PTPRU: variants seen among roughly 807,000 people sequenced by gnomAD.
The protein encoded by PTPRU is receptor-type tyrosine-protein phosphatase U.
A neutral mutation model predicts 166.3 loss-of-function variants in PTPRU; 69 were observed. The observed-to-expected ratio is 0.41, with a 90% confidence interval of 0.34 to 0.51. The LOEUF is 0.51. Among genes scored for constraint, PTPRU ranks in the 20% least tolerant of loss-of-function variants. The probability of loss-of-function intolerance (pLI) is 0.09; values close to 1 mark genes in which losing one functional copy is unlikely to be tolerated. For missense variants in PTPRU, 1,657 were observed against 2,013.7 expected, an observed-to-expected ratio of 0.82 and a Z score of 3.39; for synonymous variants, 793 against 814.0, an observed-to-expected ratio of 0.97 and a Z score of 0.44.
chr1:29,259,600 T>TTTTGGGGGGGGGGGGGGGGGGG, intron 5 of PTPRU, 36 bp downstream of exon 5: 2 of 253,662 alleles, frequency 7.9e-6, no homozygotes, highest in Non-Finnish European at 1.5e-5. Flanking sequence ...GGGGGCGGGG[T>TTTTGGGGGGGGGGGGGGGGGGG]GGGAGGGGGT....
chr1:29,295,349 C>A (rs941604384), intron 15 of PTPRU, among the ~76,000 whole-genome samples: 5 of 152,026 alleles, frequency 3.3e-5, no homozygotes, highest in Non-Finnish European at 7.4e-5. Context: ...TCGGCTAATT[C>A]TCTTTGTTAT....
intron 22 of PTPRU, among the ~76,000 whole-genome samples, chr1:29,314,484 C>T (rs1448731341): frequency 2.0e-5 from 3 of 152,078 alleles, no homozygotes; most frequent in Admixed American, 6.6e-5. Context: ...CACAACCTTG[C>T]GTGAGGACAA....
intron 15 of PTPRU, among the ~76,000 whole-genome samples, chr1:29,295,608 C>T (rs962962945): frequency 6.6e-6 from 1 of 152,056 alleles, no homozygotes; most frequent in African/African-American, 2.4e-5. Flanking sequence ...GCAAATGGTA[C>T]ACTTTTCAAA....
At chr1:29,266,361 T>G (rs1406183216) in intron 7 of PTPRU, among the ~76,000 whole-genome samples, 1 of 152,174 alleles carries the variant, frequency 6.6e-6, no homozygotes, top group Non-Finnish European at 1.5e-5. Context: ...TGATCTATTT[T>G]GGGTAAAGTG....
intron 14 of PTPRU, among the ~76,000 whole-genome samples, chr1:29,286,412 T>G (rs1686351449): frequency 6.6e-6 from 1 of 151,934 alleles, no homozygotes. Context: ...ACTGACTCCC[T>G]TTTTTTTGGA....
chr1:29,292,321 C>T (rs2151958141), intron 15 of PTPRU, among the ~76,000 whole-genome samples: 1 of 152,280 alleles, frequency 6.6e-6, no homozygotes, highest in South Asian at 2.1e-4. Context: ...GGCCTCACCC[C>T]TTATTGAGCA....
chr1:29,252,634 A>G, intron 1 of PTPRU, among the ~76,000 whole-genome samples: 1 of 152,286 alleles, frequency 6.6e-6, no homozygotes, highest in East Asian at 1.9e-4. Flanking sequence ...GCAGCTGCAG[A>G]TGAAACAGTA....
In PTPRU at chr1:29,304,075, C is replaced by T. The variant is rs370874944; in HGVS notation, c.2667+30C>T. ...ACGCCGGCCCCGGGCCAGCAGGATC[C>T]CTGCAGAGGCCTCACCTGGCTCTTA... On this transcript the variant is annotated intron_variant, in intron 16 of 29. Transcript: ENST00000373779. 13 of 1,584,060 alleles carry T rather than the reference C, an allele frequency of 8.2e-6. No homozygotes were observed. The African/African-American group carries it at 9.4e-5, about 11-fold the overall frequency.
chr1:29,310,658 G>A lies in PTPRU; in HGVS notation c.2821-86G>A, dbSNP rs1458742159. 6 of 1,421,686 alleles carry A rather than the reference G, an allele frequency of 4.2e-6. No individual in the cohort carries two copies. In the African/African-American group the frequency reaches 5.6e-5, roughly 13 times the overall value. The allele number at this position is 1,421,686 out of a possible 1,614,324, so 88.1% of individuals were successfully genotyped here. A position where few individuals can be genotyped will look rare whatever the true frequency, so the allele number is the denominator to read the frequency against. On this transcript the variant is annotated intron_variant, in intron 18 of 29. Transcript: ENST00000373779. ...AGTTCCCTGGTGGGGTAGGGGTTCT[G>A]CTGCTGGGAGGGGAGGGTAGAGGAG...
Position 29,259,435 on chromosome 1 carries a change from C to A in PTPRU, c.560-14C>A. The A allele has an allele frequency of 6.2e-7, 1 of 1,610,072 alleles. No individual in the cohort carries two copies. The highest frequency in any genetic ancestry group is 1.1e-5 in the South Asian group (1 of 90,740). ...GGTGCAGGCCCAGCTCACGATGCAG[C>A]TCTAACCCCGCAGCAAAGGCCCCAC... is the stretch of plus-strand genomic sequence containing the variant. On this transcript the variant is annotated splice_polypyrimidine_tract_variant and intron_variant, in intron 4 of 29. Transcript: ENST00000373779.
intron 14 of PTPRU, among the ~76,000 whole-genome samples, chr1:29,287,159 A>G (rs1054067031): frequency 2.0e-5 from 3 of 152,022 alleles, no homozygotes; most frequent in Admixed American, 6.5e-5. Context: ...GGCCAGCTGG[A>G]AGAAGATTTC....
In PTPRU at chr1:29,258,761, G is replaced by A; in HGVS notation, c.462G>A (p.Trp154Ter). 9 of 1,582,092 alleles carry A rather than the reference G, an allele frequency of 5.7e-6. No homozygotes were observed. Among genetic ancestry groups the A allele is most frequent in the Non-Finnish European group, 7.7e-6 (9 of 1,163,014 alleles). The change falls in exon 3 of 30, where the codon TGG becomes TGA. Residue 154 changes from tryptophan to a stop codon, truncating the protein, a stop_gained. Transcript: ENST00000373779. LOFTEE classifies it high-confidence loss of function. Reference sequence around the variant, plus strand: ...CTGAGCTGGCTGTCAGCACTTTCTGGCCCAATGAATATCAGGTGGGCTGGG... The same window carrying A: ...CTGAGCTGGCTGTCAGCACTTTCTGACCCAATGAATATCAGGTGGGCTGGG... ...HQAELAVSTFWPNEYQVLFEA... is the reference protein window; with the variant it reads ...HQAELAVSTF
chr1:29,253,694 CTCT>C lies in PTPRU; in HGVS notation c.74-1573_74-1571del, dbSNP rs199694766. ...ATATCACAACTATCTATACCTCTCC[CTCT>C]TCTTCTTGAGATTGGGAAGCAGCTC... On this transcript the variant is annotated intron_variant, in intron 1 of 29. Coordinates refer to ENST00000373779, the MANE Select transcript of PTPRU (RefSeq NM_133178.4). Among the ~76,000 whole-genome samples the C allele has an allele frequency of 3.1e-4, 47 of 151,970 alleles. 1 individual carries two copies. The East Asian group carries it at 6.0e-3, about 20-fold the overall frequency.
chr1:29,289,546 G>C, intron 14 of PTPRU: 1 of 988,966 alleles, frequency 1.0e-6, no homozygotes, highest in Non-Finnish European at 1.5e-6. Context: ...CTCCTGACCT[G>C]TTCAGTCCCT....
At chr1:29,287,166 T>C (rs1686393130) in intron 14 of PTPRU, among the ~76,000 whole-genome samples, 1 of 152,082 alleles carries the variant, frequency 6.6e-6, no homozygotes, top group African/African-American at 2.4e-5. Context: ...TGGAAGAAGA[T>C]TTCAGATTCT....
chr1:29,275,435 C>A lies in PTPRU; in HGVS notation c.1145-13C>A. On this transcript the variant is annotated splice_polypyrimidine_tract_variant and intron_variant, in intron 7 of 29. Transcript: ENST00000373779. ...TCTTCTAACTTCTTCTCTCTGCTTC[C>A]TGCATTCTCCAGAGCCCATGAGGGC... 1 of 1,599,084 alleles carries A rather than the reference C, an allele frequency of 6.3e-7. No homozygotes were observed. The highest frequency in any genetic ancestry group is 8.6e-7 in the Non-Finnish European group (1 of 1,167,828).
chr1:29,279,708 C>T lies in PTPRU; in HGVS notation c.1765+51C>T. ...CCTCTTCGGAGGTGGCCCAGAATCC[C>T]AGGGTTCCATGGGCAGAAGGGAAAT... On this transcript the variant is annotated intron_variant, in intron 10 of 29. Transcript: ENST00000373779. This position sits in a 1 kb window ranked among gnomAD's most constrained non-coding sequence, Gnocchi z 5.2. 1.3e-6 allele frequency: 2 copies of T among 1,581,842 alleles called. No homozygotes were observed. The highest frequency in any genetic ancestry group is 1.7e-6 in the Non-Finnish European group (2 of 1,159,490).
At chr1:29,297,366 G>C (rs1250366102) in intron 15 of PTPRU, among the ~76,000 whole-genome samples, 2 of 152,100 alleles carry the variant, frequency 1.3e-5, no homozygotes, top group African/African-American at 4.8e-5. Flanking sequence ...CTTAGTAGCT[G>C]TTATTAACCC....
rs1175169159 is a variant in PTPRU, at chr1:29,311,860, C to T, written c.3072+101C>T. ...CCTGGGAGCAGGAGGGTGAGGAGCG[C>T]ACCACTGCCCATCCCAGCAAGGAAG... On this transcript the variant is annotated intron_variant, in intron 21 of 29. Coordinates refer to ENST00000373779, the MANE Select transcript of PTPRU (RefSeq NM_133178.4). The surrounding 1 kb of genome is among the most constrained non-coding windows in gnomAD (Gnocchi z 4.1). The T allele has an allele frequency of 1.8e-6, 2 of 1,130,310 alleles. No homozygotes were observed. The highest frequency in any genetic ancestry group is 2.6e-6 in the Non-Finnish European group (2 of 772,912). The allele number at this position is 1,130,310 out of a possible 1,614,324, so 70.0% of individuals were successfully genotyped here. A position where few individuals can be genotyped will look rare whatever the true frequency, so the allele number is the denominator to read the frequency against.
Sources: gnomAD v4.1 joint callset for allele counts (sites outside exome capture counted in the v4.1 genomes callset) on GRCh38, gnomAD v4.1.1 for gene constraint, Gnocchi (gnomAD v3.1) non-coding constraint, MANE v1.5 for transcripts, NCBI Gene and HGNC (gene_info 2026-07-23, HGNC 2026-07-21) for gene names.